Variants in GNG7 observed in about 807,000 individuals in gnomAD.
The protein encoded by GNG7 is guanine nucleotide-binding protein G(I)/G(S)/G(O) subunit gamma-7.
A neutral mutation model predicts 4.0 loss-of-function variants in GNG7; 1 was observed. The ratio of observed to expected loss-of-function variants is 0.25; its 90% CI spans 0.09 to 1.18. GNG7 has a LOEUF of 1.18. GNG7 is among the 50% of genes most tolerant of loss of function. The pLI, the probability that GNG7 is intolerant of heterozygous loss-of-function variation, is 0.50. For missense variants in GNG7, 86 were observed against 91.9 expected, an observed-to-expected ratio of 0.94 and a Z score of 0.26; for synonymous variants, 34 against 36.9, an observed-to-expected ratio of 0.92 and a Z score of 0.29.
At chr19:2,528,038 C>T (rs1380968112) in intron 3 of GNG7, among the ~76,000 whole-genome samples, 3 of 151,826 alleles carry the variant, frequency 2.0e-5, no homozygotes, top group South Asian at 2.1e-4. Context: ...GAGGTTGAGG[C>T]GGGTGGGTCA....
At chr19:2,565,822 C>G (rs899634373) in intron 2 of GNG7, among the ~76,000 whole-genome samples, 1 of 152,156 alleles carries the variant, frequency 6.6e-6, no homozygotes, top group Non-Finnish European at 1.5e-5. Context: ...GTGCTCAGCG[C>G]TTCTGCAGGG....
intron 1 of GNG7, among the ~76,000 whole-genome samples, chr19:2,649,340 C>T (rs1982748297): frequency 6.7e-6 from 1 of 149,572 alleles, no homozygotes. Context: ...TTATCAAAAC[C>T]AGCAAACTGA....
intron 3 of GNG7, among the ~76,000 whole-genome samples, chr19:2,528,978 C>T (rs1271069291): frequency 6.6e-6 from 1 of 152,182 alleles, no homozygotes; most frequent in Non-Finnish European, 1.5e-5. Flanking sequence ...GGCCGGTTTG[C>T]CCGGAGCTCT....
intron 3 of GNG7, among the ~76,000 whole-genome samples, chr19:2,552,850 CA>C (rs374353072): frequency 0.25 from 31,641 of 128,004 alleles, 4,234 homozygotes; most frequent in Non-Finnish European, 0.28. Context: ...CTCCCGGCTC[CA>C]CCCCCCCCAC....
chr19:2,574,513 A>T (rs1380072675), intron 2 of GNG7, among the ~76,000 whole-genome samples: 1 of 152,056 alleles, frequency 6.6e-6, no homozygotes, highest in Non-Finnish European at 1.5e-5. Flanking sequence ...CCTCTCACTG[A>T]GCGTGAGGTC....
intron 4 of GNG7, among the ~76,000 whole-genome samples, chr19:2,517,486 T>C (rs1568228928): frequency 6.6e-6 from 1 of 152,120 alleles, no homozygotes; most frequent in Non-Finnish European, 1.5e-5. Flanking sequence ...CACCTCAGCC[T>C]CCCAAGTGGC....
intron 3 of GNG7, among the ~76,000 whole-genome samples, chr19:2,553,987 T>TATGTA (rs1555693304): frequency 7.0e-6 from 1 of 142,228 alleles, no homozygotes; most frequent in Non-Finnish European, 1.5e-5. Flanking sequence ...TTATATGTAA[T>TATGTA]ATATATTACA....
At chr19:2,695,815 G>A (rs1421662826) in intron 1 of GNG7, among the ~76,000 whole-genome samples, 1 of 152,158 alleles carries the variant, frequency 6.6e-6, no homozygotes, top group Non-Finnish European at 1.5e-5. Flanking sequence ...TCTCCCGCCA[G>A]GGATGATGAG....
intron 3 of GNG7, among the ~76,000 whole-genome samples, chr19:2,542,484 G>A (rs1042632621): frequency 5.9e-5 from 9 of 152,108 alleles, no homozygotes; most frequent in Admixed American, 2.6e-4. Flanking sequence ...GGGGGACTGC[G>A]CCCTACGACT....
At chr19:2,576,445 C>T (rs936486219) in intron 2 of GNG7, among the ~76,000 whole-genome samples, 8 of 152,208 alleles carry the variant, frequency 5.3e-5, no homozygotes, top group South Asian at 2.1e-4. Flanking sequence ...CCGCGGCAGG[C>T]GGGGGACGGG....
intron 2 of GNG7, among the ~76,000 whole-genome samples, chr19:2,595,929 C>T (rs1469318076): frequency 1.3e-5 from 2 of 152,036 alleles, no homozygotes; most frequent in Non-Finnish European, 2.9e-5. Flanking sequence ...TGAGTCATCT[C>T]AGGCTCTCCA....
intron 2 of GNG7, among the ~76,000 whole-genome samples, chr19:2,581,828 G>A (rs1410050648): frequency 5.9e-5 from 9 of 152,212 alleles, no homozygotes; most frequent in African/African-American, 1.9e-4. Flanking sequence ...GTGACAAGTG[G>A]CCAGTTGCTC....
At chr19:2,695,383 C>T (rs11880950) in intron 1 of GNG7, among the ~76,000 whole-genome samples, 11 of 152,288 alleles carry the variant, frequency 7.2e-5, no homozygotes, top group African/African-American at 2.2e-4. Flanking sequence ...GCTCAGGCCC[C>T]TCTGACCCAG....
intron 2 of GNG7, among the ~76,000 whole-genome samples, chr19:2,639,441 C>G (rs2144852559): frequency 1.1e-5 from 1 of 91,688 alleles, no homozygotes; most frequent in East Asian, 2.5e-4. Context: ...TCACCGGCCA[C>G]CAAGGACACC....
chr19:2,526,671 C>T (rs960801030), intron 3 of GNG7, among the ~76,000 whole-genome samples: 2 of 149,306 alleles, frequency 1.3e-5, no homozygotes. Context: ...ATTTATTCAT[C>T]ATTTACATAA....
At chr19:2,534,587 G>A (rs1978681238) in intron 3 of GNG7, among the ~76,000 whole-genome samples, 1 of 152,218 alleles carries the variant, frequency 6.6e-6, no homozygotes, top group Non-Finnish European at 1.5e-5. Flanking sequence ...CGGAAATCCT[G>A]GAGGGGGCCA....
intron 2 of GNG7, among the ~76,000 whole-genome samples, chr19:2,567,517 G>T (rs902241947): frequency 1.3e-5 from 2 of 151,998 alleles, no homozygotes; most frequent in African/African-American, 4.8e-5. Flanking sequence ...GTATAGATGG[G>T]GTTTCGCCAT....
chr19:2,548,590 A>G lies in GNG7; in HGVS notation c.-38+6559T>C, dbSNP rs193034785. 4.8e-3 allele frequency among the ~76,000 whole-genome samples: 733 copies of G among 151,264 alleles called. 6 individuals carry two copies. The highest frequency in any genetic ancestry group is 0.01 in the Middle Eastern group (3 of 292). On this transcript the variant is annotated intron_variant, in intron 3 of 4. Coordinates refer to ENST00000382159, the MANE Select transcript of GNG7 (RefSeq NM_052847.3). Reference sequence around the variant, plus strand: ...GCTCACTTGAGGTCAGGAGTTCGATACCAGCCTGGCCAACGTGGTGAAACC... The same window carrying G: ...GCTCACTTGAGGTCAGGAGTTCGATGCCAGCCTGGCCAACGTGGTGAAACC...
chr19:2,634,563 G>A lies in GNG7; in HGVS notation c.-78+11661C>T, dbSNP rs560332043. 2.2e-4 allele frequency among the ~76,000 whole-genome samples: 33 copies of A among 152,176 alleles called. No individual in the cohort carries two copies. Among genetic ancestry groups the A allele is most frequent in the South Asian group, 4.2e-4 (2 of 4,810 alleles). ...AGACTGTGGCAGAGCCCCTGATTTC[G>A]GCACAGCGCCCCGTAATTACTTGCG... On this transcript the variant is annotated intron_variant, in intron 2 of 4. Transcript: ENST00000382159. This position sits in a 1 kb window ranked among gnomAD's most constrained non-coding sequence, Gnocchi z 5.3.
Sources: gnomAD v4.1 joint callset for allele counts (sites outside exome capture counted in the v4.1 genomes callset) on GRCh38, gnomAD v4.1.1 for gene constraint, Gnocchi (gnomAD v3.1) non-coding constraint, MANE v1.5 for transcripts, NCBI Gene and HGNC (gene_info 2026-07-23, HGNC 2026-07-21) for gene names.